The following KIF24 variants were observed in gnomAD, a reference collection of about 807,000 sequenced individuals.
KIF24 encodes the protein kinesin-like protein KIF24.
KIF24 carries 81 observed loss-of-function variants against 118.9 expected under a neutral mutation model. That is an observed-to-expected ratio of 0.68 (90% CI 0.57 to 0.82). KIF24 has a LOEUF of 0.82. KIF24 is among the 40% of genes least tolerant of loss of function. The probability of loss-of-function intolerance (pLI) is 0.00; values close to 1 mark genes in which losing one functional copy is unlikely to be tolerated. For synonymous variants in KIF24, 599 were observed against 610.0 expected, an observed-to-expected ratio of 0.98 and a Z score of 0.27; for missense variants, 1,560 against 1,661.6, an observed-to-expected ratio of 0.94 and a Z score of 1.06.
chr9:34,307,498 A>G lies in KIF24; in HGVS notation c.624-1057T>C, dbSNP rs571235771. 4.6e-5 allele frequency among the ~76,000 whole-genome samples: 7 copies of G among 152,308 alleles called. No homozygotes were observed. The East Asian group carries it at 1.3e-3, about 29-fold the overall frequency. On this transcript the variant is annotated intron_variant, in intron 2 of 12. Transcript: ENST00000402558. Reference sequence around the variant, plus strand: ...TAAAGCAAATTTTATTTTCTTAACCAACATTTAGGGACTTTAAAATGCATC... The same window carrying G: ...TAAAGCAAATTTTATTTTCTTAACCGACATTTAGGGACTTTAAAATGCATC...
chr9:34,286,488 G>T (rs6476442), intron 6 of KIF24, 129 bp downstream of exon 6: 478,601 of 624,962 alleles, frequency 0.77, 187,528 homozygotes, highest in East Asian at 0.93. Context: ...TTTACAGATG[G>T]GAAGTGGTGG....
chr9:34,298,197 T>C (rs1003682355), intron 3 of KIF24, among the ~76,000 whole-genome samples: 1 of 152,078 alleles, frequency 6.6e-6, no homozygotes, highest in Non-Finnish European at 1.5e-5. Flanking sequence ...AATTAATGTT[T>C]AGGGAATAGC....
intron 11 of KIF24, among the ~76,000 whole-genome samples, chr9:34,255,454 C>T (rs934577933): frequency 6.6e-6 from 1 of 152,186 alleles, no homozygotes; most frequent in African/African-American, 2.4e-5. Flanking sequence ...TGCTGCTCTT[C>T]CACAGGAGCT....
intron 8 of KIF24, among the ~76,000 whole-genome samples, chr9:34,264,675 C>G (rs1043853336): frequency 6.6e-6 from 1 of 152,104 alleles, no homozygotes; most frequent in African/African-American, 2.4e-5. Flanking sequence ...CCACTGAGAA[C>G]GAACAAGTAA....
chr9:34,280,426 G>A (rs1434354874), intron 6 of KIF24, among the ~76,000 whole-genome samples: 2 of 151,146 alleles, frequency 1.3e-5, no homozygotes, highest in Non-Finnish European at 2.9e-5. Context: ...TGCTTCTTTC[G>A]CCTTTAATTG....
intron 8 of KIF24, among the ~76,000 whole-genome samples, chr9:34,268,214 A>G: frequency 6.6e-6 from 1 of 152,038 alleles, no homozygotes. Flanking sequence ...CCCAGGCTGG[A>G]GTGCAGTGGC....
intron 9 of KIF24, 91 bp from the exon 10 acceptor site, chr9:34,259,796 T>G (rs1281871772): frequency 1.3e-6 from 1 of 753,494 alleles, no homozygotes; most frequent in Non-Finnish European, 2.3e-6. Flanking sequence ...GGGCCATAGT[T>G]CCCTTCTGTC....
At chr9:34,331,550 T>C (rs921894554), upstream of KIF24, among the ~76,000 whole-genome samples, 4 of 152,196 alleles carry the variant, frequency 2.6e-5, no homozygotes, top group African/African-American at 9.7e-5. Flanking sequence ...CAGGGGCAGG[T>C]TGGACAGCTT....
At chr9:34,323,566 G>A (rs981787445) in intron 1 of KIF24, among the ~76,000 whole-genome samples, 4 of 152,188 alleles carry the variant, frequency 2.6e-5, no homozygotes, top group African/African-American at 9.6e-5. Context: ...GCAGGACGTT[G>A]TCATTTGCAG....
intron 6 of KIF24, among the ~76,000 whole-genome samples, chr9:34,278,787 G>A (rs561320349): frequency 8.9e-4 from 135 of 152,218 alleles, no homozygotes; most frequent in African/African-American, 3.0e-3. Context: ...AACATATTAC[G>A]TGAATAGTAA....
chr9:34,318,835 T>G lies in KIF24; in HGVS notation c.-25-7464A>C. 9.4e-6 allele frequency: 15 copies of G among 1,599,736 alleles called. No homozygotes were observed. In the South Asian group the frequency reaches 1.7e-4, roughly 18 times the overall value. ...GACCCAGCTCAGTGAGTTTCGCTGATGACTTCGTGCGCAGCAGCAAGCAGC... is the reference window on the plus strand; with the variant it reads ...GACCCAGCTCAGTGAGTTTCGCTGAGGACTTCGTGCGCAGCAGCAAGCAGC... On this transcript the variant is annotated intron_variant, in intron 1 of 12. Coordinates refer to ENST00000402558, the MANE Select transcript of KIF24 (RefSeq NM_194313.4). The surrounding 1 kb of genome is among the most constrained non-coding windows in gnomAD (Gnocchi z 4.9).
At chr9:34,328,571 T>TA (rs1587982565) in intron 1 of KIF24, among the ~76,000 whole-genome samples, 1 of 152,092 alleles carries the variant, frequency 6.6e-6, no homozygotes, top group Admixed American at 6.5e-5. Context: ...AGCCTCGAAA[T>TA]AAAAAATCGT....
chr9:34,318,667 C>G lies in KIF24; in HGVS notation c.-25-7296G>C. The G allele has an allele frequency of 6.5e-7, 1 of 1,541,202 alleles. No individual in the cohort carries two copies. Among genetic ancestry groups the G allele is most frequent in the Non-Finnish European group, 8.8e-7 (1 of 1,136,232 alleles). On this transcript the variant is annotated intron_variant, in intron 1 of 12. Transcript: ENST00000402558. The surrounding 1 kb of genome is among the most constrained non-coding windows in gnomAD (Gnocchi z 4.9). ...TCGTGTCGCTGGGCGGCAAGGCGAC[C>G]ACGGCGTCGGAGGCCAAGGCAGTGC... is the stretch of plus-strand genomic sequence containing the variant.
At chr9:34,274,876 G>C (rs1587928333) in intron 6 of KIF24, among the ~76,000 whole-genome samples, 1 of 145,114 alleles carries the variant, frequency 6.9e-6, no homozygotes, top group Non-Finnish European at 1.5e-5. Context: ...ATTATGTTAA[G>C]TGAAATAAGC....
rs1331179466 is a variant in KIF24 at position 34,310,896 on chromosome 9, T to C, written c.451A>G (p.Thr151Ala). The C allele has an allele frequency of 1.2e-6, 2 of 1,613,820 alleles. No homozygotes were observed. The highest frequency in any genetic ancestry group is 2.7e-5 in the African/African-American group (2 of 74,938). Reference protein sequence around the residue: ...LPDDSQYHTKTGILNATAGDS... With the variant: ...LPDDSQYHTKAGILNATAGDS... ...CCAGCTGTGGCATTCAGAATTCCTGTTTTTGTATGGTACTGGGAATCATCT... is the reference window on the plus strand; with the variant it reads ...CCAGCTGTGGCATTCAGAATTCCTGCTTTTGTATGGTACTGGGAATCATCT... The change falls in exon 2 of 13, where the codon ACA becomes GCA. Residue 151 changes from threonine (T) to alanine (A), a missense_variant. By Grantham distance (58) the Thr-to-Ala change is moderately conservative. Transcript: ENST00000402558.
At chr9:34,299,262 C>A (rs1031607427) in intron 3 of KIF24, among the ~76,000 whole-genome samples, 89 of 152,060 alleles carry the variant, frequency 5.9e-4, no homozygotes, top group African/African-American at 2.1e-3. Flanking sequence ...CTCACTGCAA[C>A]CTCCATCTCT....
rs914218337 is a variant in KIF24, at chr9:34,253,755, C to T, written c.*625G>A. On this transcript the variant is annotated 3_prime_UTR_variant, in exon 13 of 13. Transcript: ENST00000402558. The stretch of plus-strand genomic sequence containing the variant: ...AGGGAAGGGAGCTGTAAATATAAGG[C>T]CTGTCTCACATCTGCTGCTGTCAGT... 5.3e-5 allele frequency: 8 copies of T among 152,196 alleles called. No individual in the cohort carries two copies. The highest frequency in any genetic ancestry group is 1.9e-4 in the African/African-American group (8 of 41,428). The allele number at this position is 152,196 out of a possible 1,614,324, so 9.4% of individuals were successfully genotyped here. A position where few individuals can be genotyped will look rare whatever the true frequency, so the allele number is the denominator to read the frequency against.
rs150959688 is a variant in KIF24, at chr9:34,286,988, A to C, written c.1128-284T>G. ...ATGATGTACACCTGGCTATACTGTG[A>C]TTTGTTCAGAGGTGGATATGGGATC... is the stretch of plus-strand genomic sequence containing the variant. On this transcript the variant is annotated intron_variant, in intron 5 of 12. Coordinates refer to ENST00000402558, the MANE Select transcript of KIF24 (RefSeq NM_194313.4). Among the ~76,000 whole-genome samples the C allele has an allele frequency of 3.4e-3, 520 of 152,300 alleles. 1 individual carries two copies. In the Middle Eastern group the frequency reaches 0.041, roughly 12 times the overall value.
intron 6 of KIF24, among the ~76,000 whole-genome samples, chr9:34,272,848 T>A (rs1340061606): frequency 6.6e-6 from 1 of 152,214 alleles, no homozygotes; most frequent in East Asian, 1.9e-4. Context: ...GGTCTTGAAC[T>A]CCTGAGTTCA....
Sources: allele counts gnomAD v4.1 joint callset (sites outside exome capture counted in the v4.1 genomes callset), GRCh38; gene constraint gnomAD v4.1.1; non-coding constraint Gnocchi (gnomAD v3.1); transcripts MANE v1.5; gene names NCBI Gene and HGNC (gene_info 2026-07-23, HGNC 2026-07-21).